Variants in HPX observed in about 807,000 individuals in gnomAD.
HPX encodes beta-1B-glycoprotein.
In HPX, 42 loss-of-function variants were observed where a neutral mutation model predicts 53.8. That is an observed-to-expected ratio of 0.78 (90% CI 0.61 to 1.01). HPX has a LOEUF of 1.01. Ranked by LOEUF, HPX falls within the 50% of genes least tolerant of loss-of-function variation. HPX has a pLI of 0.00. For missense variants in HPX, 547 were observed against 594.3 expected (o/e 0.92, Z 0.83); for synonymous variants, 229 against 221.1 (o/e 1.04, Z -0.32).
intron 5 of HPX, chr11:6,438,151 G>T: frequency 1.6e-6 from 1 of 619,116 alleles, no homozygotes; most frequent in East Asian, 2.7e-5. Context: ...TATTCACACA[G>T]AATTACACAC....
At chr11:6,437,225 A>G (rs773981347) in intron 6 of HPX, 48 bp from the exon 7 acceptor site, 1 of 1,586,106 alleles carries the variant, frequency 6.3e-7, no homozygotes, top group Non-Finnish European at 8.6e-7. Flanking sequence ...GCCAGAGGTC[A>G]GAGTGAGGTC....
At chr11:6,432,712 T>A (rs769822668) in intron 7 of HPX, among the ~76,000 whole-genome samples, 18 of 152,184 alleles carry the variant, frequency 1.2e-4, no homozygotes, top group Non-Finnish European at 1.9e-4. Context: ...TTTAAATGTC[T>A]TTTTTTGGAA....
chr11:6,440,697 C>A lies in HPX; in HGVS notation c.117G>T (p.Glu39Asp), dbSNP rs1432443287. The part of the protein sequence containing the change: ...TSAHGNVAEG[E>D]TKPDPDVTER... ...CAGTCACGTCTGGGTCTGGCTTGGT[C>A]TCGCCTTCAGCAACATTCCCATGGG... is the stretch of plus-strand genomic sequence containing the variant. Residue 39 changes from glutamate (E) to aspartate (D), a missense_variant, in exon 2 of 10, where the codon GAG becomes GAT. Physicochemically the swap from Glu to Asp is conservative, Grantham distance 45. Coordinates refer to ENST00000265983, the MANE Select transcript of HPX (RefSeq NM_000613.3). 1.9e-6 allele frequency: 3 copies of A among 1,613,008 alleles called. No homozygotes were observed. The highest frequency in any genetic ancestry group is 2.5e-6 in the Non-Finnish European group (3 of 1,179,926).
At position 6,440,947 on chromosome 11, in the gene HPX, C is replaced by T. The variant is rs375861299; in HGVS notation, c.17G>A (p.Gly6Glu). 22 of 1,606,932 alleles carry T rather than the reference C, an allele frequency of 1.4e-5. No individual in the cohort carries two copies. In the African/African-American group the frequency reaches 2.8e-4, roughly 21 times the overall value. The change falls in exon 1 of 10, where the codon GGA becomes GAA. Residue 6 changes from glycine to glutamate, a missense_variant. Gly to Glu is a moderately conservative substitution (Grantham distance 98). Transcript: ENST00000265983. MARVL[G>E]APVALGLWSL... is the part of the protein sequence containing the mutation. ...CCACAACCCCAGTGCAACGGGTGCT[C>T]CCAGTACCCTAGCCATGCTGAGCTG... is the stretch of plus-strand genomic sequence containing the variant.
At chr11:6,437,774 G>C in intron 5 of HPX, 122 bp from the exon 6 acceptor site, 1 of 725,136 alleles carries the variant, frequency 1.4e-6, no homozygotes, top group Non-Finnish European at 2.4e-6. Context: ...AGCCATCAGA[G>C]AGATGGCTAA....
At position 6,437,576 on chromosome 11, in the gene HPX, G is replaced by A; in HGVS notation, c.567C>T (p.Ser189=). The A allele has an allele frequency of 6.2e-7, 1 of 1,614,210 alleles. No individual in the cohort carries two copies. The highest frequency in any genetic ancestry group is 8.5e-7 in the Non-Finnish European group (1 of 1,180,024). Residue 189 remains serine (S), a synonymous_variant, in exon 6 of 10, where the codon TCC becomes TCT. Transcript: ENST00000265983. ...AGCGGCCCAGCCATCTCAGGGCAGAGGAGCAGTTCCCAACAGCTGGCCAGG... is the reference window on the plus strand; with the variant it reads ...AGCGGCCCAGCCATCTCAGGGCAGAAGAGCAGTTCCCAACAGCTGGCCAGG... ...ERSWPAVGNC[S]SALRWLGRYY...
Position 6,431,987 on chromosome 11 carries a change from C to T in HPX, c.866G>A (p.Arg289Gln), listed in dbSNP as rs763213515. Reference sequence around the variant, plus strand: ...AATGGGCCAGCTATGCCAGCCATCCCGGCTGGTGTCCAGACGCCAGTAGTG... The same window carrying T: ...AATGGGCCAGCTATGCCAGCCATCCTGGCTGGTGTCCAGACGCCAGTAGTG... ...GTHYWRLDTS[R>Q]DGWHSWPIAH... is the part of the protein sequence containing the mutation. The change falls in exon 8 of 10, where the codon CGG becomes CAG. Residue 289 changes from arginine (R) to glutamine (Q), a missense_variant. Coordinates refer to ENST00000265983, the MANE Select transcript of HPX (RefSeq NM_000613.3). The T allele has an allele frequency of 9.3e-6, 15 of 1,614,060 alleles. No individual in the cohort carries two copies. Among genetic ancestry groups the T allele is most frequent in the South Asian group, 7.7e-5 (7 of 91,088 alleles).
chr11:6,440,946 T>C lies in HPX; in HGVS notation c.18A>G (p.Gly6=). The C allele has an allele frequency of 6.2e-7, 1 of 1,607,500 alleles. No homozygotes were observed. Among genetic ancestry groups the C allele is most frequent in the South Asian group, 1.1e-5 (1 of 90,074 alleles). The change falls in exon 1 of 10, where the codon GGA becomes GGG. Residue 6 remains glycine (G), a synonymous_variant. Coordinates refer to ENST00000265983, the MANE Select transcript of HPX (RefSeq NM_000613.3). ...TCCACAACCCCAGTGCAACGGGTGC[T>C]CCCAGTACCCTAGCCATGCTGAGCT... MARVL[G]APVALGLWSL...
At chr11:6,436,268 G>A (rs900877787) in intron 7 of HPX, among the ~76,000 whole-genome samples, 3 of 152,164 alleles carry the variant, frequency 2.0e-5, no homozygotes, top group East Asian at 1.9e-4. Context: ...ATATTTTCAC[G>A]ATTTTATATT....
intron 6 of HPX, 107 bp from the exon 7 acceptor site, chr11:6,437,284 T>G: frequency 7.0e-7 from 1 of 1,419,264 alleles, no homozygotes; most frequent in Middle Eastern, 2.4e-4. Context: ...TTTCCCCATA[T>G]GAGGGCAATG....
chr11:6,440,721 G>A lies in HPX; in HGVS notation c.93C>T (p.Ala31=), dbSNP rs1305014532. Residue 31 remains alanine (A), a synonymous_variant, in exon 2 of 10, where the codon GCC becomes GCT. Transcript: ENST00000265983. ...TCTCGCCTTCAGCAACATTCCCATG[G>A]GCACTAGTCCTAGGGAGAACAAAAT... is the stretch of plus-strand genomic sequence containing the variant. ...AIATPLPPTS[A]HGNVAEGETK... 3.1e-6 allele frequency: 5 copies of A among 1,613,868 alleles called. No homozygotes were observed. In the South Asian group the frequency reaches 4.4e-5, roughly 14 times the overall value.
intron 9 of HPX, 85 bp downstream of exon 9, chr11:6,431,556 T>C: frequency 6.2e-7 from 1 of 1,605,986 alleles, no homozygotes; most frequent in South Asian, 1.1e-5. Flanking sequence ...GATCCTGACC[T>C]AGGCCTTCTC....
Position 6,431,145 on chromosome 11 carries a change from A to G in HPX, c.*66T>C, listed in dbSNP as rs1282104268. ...AAGGCCCCTCAGTGAGAAGCGAAGA[A>G]GCAATCTGTCTTTATTATGAGGAAC... On this transcript the variant is annotated 3_prime_UTR_variant, in exon 10 of 10. Coordinates refer to ENST00000265983, the MANE Select transcript of HPX (RefSeq NM_000613.3). The G allele has an allele frequency of 6.3e-7, 1 of 1,589,568 alleles. No homozygotes were observed. The highest frequency in any genetic ancestry group is 1.3e-5 in the African/African-American group (1 of 74,212).
intron 4 of HPX, among the ~76,000 whole-genome samples, chr11:6,438,972 G>A (rs1849452205): frequency 6.6e-6 from 1 of 152,196 alleles, no homozygotes; most frequent in Non-Finnish European, 1.5e-5. Context: ...CTGTACAAAA[G>A]CAGAAAGGAC....
chr11:6,431,363 G>A lies in HPX; in HGVS notation c.1237C>T (p.Leu413Phe). 1 of 1,614,264 alleles carries A rather than the reference G, an allele frequency of 6.2e-7. No homozygotes were observed. The highest frequency in any genetic ancestry group is 8.5e-7 in the Non-Finnish European group (1 of 1,180,048). Residue 413 changes from leucine to phenylalanine, a missense_variant, in exon 10 of 10, where the codon CTT (leucine) becomes TTT (phenylalanine). Leu to Phe is a conservative substitution (Grantham distance 22). Transcript: ENST00000265983. ...VDGALCMEKS[L>F]GPNSCSANGP... is the part of the protein sequence containing the mutation. Reference sequence around the variant, plus strand: ...TTGGCGGAACATGAGTTAGGGCCAAGGGACTTTTCCATACACAAGGCTCCG... The same window carrying A: ...TTGGCGGAACATGAGTTAGGGCCAAAGGACTTTTCCATACACAAGGCTCCG...
intron 8 of HPX, 42 bp from the exon 9 acceptor site, chr11:6,431,845 C>A: frequency 6.2e-7 from 1 of 1,613,898 alleles, no homozygotes; most frequent in Non-Finnish European, 8.5e-7. Flanking sequence ...GTTGGATATG[C>A]TTGTCCCAGT....
At chr11:6,431,518 CCTGACCTAGGCCTTCTCATGCCCTGG>C (rs1849348055) in intron 9 of HPX, 48 bp from the exon 10 acceptor site, 1 of 1,611,764 alleles carries the variant, frequency 6.2e-7, no homozygotes, top group Admixed American at 1.7e-5. Context: ...TCATGGGGAT[CCTGACCTAGGCCTTCTCATGCCCTGG>C]GGATCCTGAC....
intron 4 of HPX, 157 bp downstream of exon 4, chr11:6,440,008 A>C: frequency 2.2e-6 from 2 of 910,974 alleles, no homozygotes; most frequent in South Asian, 2.8e-5. Context: ...ACGCATGCAC[A>C]CTCCCTTAGC....
At position 6,431,391 on chromosome 11, in the gene HPX, T is replaced by A. The variant is rs781570209; in HGVS notation, c.1209A>T (p.Val403=). The change falls in exon 10 of 10, where the codon GTA becomes GTT. Residue 403 remains valine (V), a synonymous_variant. Transcript: ENST00000265983. ...ACTTTTCCATACACAAGGCTCCGTC[T>A]ACCTTCTCATGGGGCCAAGGAAGCT... is the stretch of plus-strand genomic sequence containing the variant. ...WTELPWPHEK[V]DGALCMEKSL... is the part of the protein sequence containing the mutation. The A allele has an allele frequency of 6.8e-6, 11 of 1,614,156 alleles. No homozygotes were observed. The African/African-American group carries it at 1.5e-4, about 22-fold the overall frequency.
Sources: allele counts gnomAD v4.1 joint callset (sites outside exome capture counted in the v4.1 genomes callset), GRCh38; gene constraint gnomAD v4.1.1; transcripts MANE v1.5; gene names NCBI Gene and HGNC (gene_info 2026-07-23, HGNC 2026-07-21).